ZNF74: variants seen among roughly 807,000 people sequenced by gnomAD.
The protein encoded by ZNF74 is zinc finger protein 520.
Under a neutral mutation model 17.7 loss-of-function variants are expected in ZNF74, and 12 were observed. The ratio of observed to expected loss-of-function variants is 0.68; its 90% CI spans 0.43 to 1.10. The LOEUF (loss-of-function observed/expected upper bound fraction) is 1.10. ZNF74 is among the 50% of genes least tolerant of loss of function. ZNF74 has a pLI of 0.00. For synonymous variants in ZNF74, 358 were observed against 362.1 expected, an observed-to-expected ratio of 0.99 and a Z score of 0.13; for missense variants, 811 against 881.0, an observed-to-expected ratio of 0.92 and a Z score of 1.01.
At position 20,406,579 on chromosome 22, in the gene ZNF74, A is replaced by G. The variant is rs774041755; in HGVS notation, c.1546A>G (p.Ile516Val). The G allele has an allele frequency of 2.5e-6, 4 of 1,613,472 alleles. No individual in the cohort carries two copies. The Admixed American group carries it at 6.7e-5, about 27-fold the overall frequency. ...GGCCTTCAGCTGCCACTCGTCCCTC[A>G]TCGTGCACCAGCGCATCCACACCGG... ...WKAFSCHSSL[I>V]VHQRIHTGEK... The change falls in exon 5 of 5, where the codon ATC (isoleucine) becomes GTC (valine). Residue 516 changes from isoleucine (I) to valine (V), a missense_variant. Coordinates refer to ENST00000400451, the MANE Select transcript of ZNF74 (RefSeq NM_003426.4).
Position 20,406,690 on chromosome 22 carries a change from G to A in ZNF74, c.1657G>A (p.Glu553Lys). The A allele has an allele frequency of 1.2e-6, 2 of 1,614,232 alleles. No individual in the cohort carries two copies. The highest frequency in any genetic ancestry group is 1.7e-6 in the Non-Finnish European group (2 of 1,180,044). The change falls in exon 5 of 5, where the codon GAG becomes AAG. Residue 553 changes from glutamate to lysine, a missense_variant. Coordinates refer to ENST00000400451, the MANE Select transcript of ZNF74 (RefSeq NM_003426.4). Reference sequence around the variant, plus strand: ...TAAACATCAGAAAATCCACTCCGGGGAGAAGTCGTTTAAGTGTGAGAAATG... The same window carrying A: ...TAAACATCAGAAAATCCACTCCGGGAAGAAGTCGTTTAAGTGTGAGAAATG... Reference protein sequence around the residue: ...LIKHQKIHSGEKSFKCEKCGE... With the variant: ...LIKHQKIHSGKKSFKCEKCGE...
At position 20,401,626 on chromosome 22, in the gene ZNF74, G is replaced by T. The variant is rs1461645113; in HGVS notation, c.343+254G>T. On this transcript the variant is annotated intron_variant, in intron 4 of 4. Transcript: ENST00000400451. This position sits in a 1 kb window ranked among gnomAD's most constrained non-coding sequence, Gnocchi z 4.2. ...GTCACCTGCTGATGGGGATGGGGAGGCAGGAATAGAAATATTGAGCCATTG... is the reference window on the plus strand; with the variant it reads ...GTCACCTGCTGATGGGGATGGGGAGTCAGGAATAGAAATATTGAGCCATTG... Among the ~76,000 whole-genome samples, 1 of 152,202 alleles carries T rather than the reference G, an allele frequency of 6.6e-6. No homozygotes were observed. The highest frequency in any genetic ancestry group is 2.4e-5 in the African/African-American group (1 of 41,444).
chr22:20,406,339 AG>A lies in ZNF74; in HGVS notation c.1308del (p.Thr437ArgfsTer174). 6.2e-7 allele frequency: 1 copy of A among 1,607,976 alleles called. No individual in the cohort carries two copies. Among genetic ancestry groups the A allele is most frequent in the Non-Finnish European group, 8.5e-7 (1 of 1,178,318 alleles). The part of the protein sequence containing the change: ...NSRSRLTLHQ[R>X]THTGEKPFKC... ...CCGCTCGCGCCTCACCCTCCACCAGAGGACGCACACGGGCGAGAAGCCCTTC... is the reference window on the plus strand; with the variant it reads ...CCGCTCGCGCCTCACCCTCCACCAGAGACGCACACGGGCGAGAAGCCCTTC... On this transcript the variant is annotated frameshift_variant, in exon 5 of 5. Coordinates refer to ENST00000400451, the MANE Select transcript of ZNF74 (RefSeq NM_003426.4). LOFTEE classifies it low-confidence loss of function (END_TRUNC).
chr22:20,398,127 G>A (rs978330615), intron 2 of ZNF74, among the ~76,000 whole-genome samples: 2 of 151,980 alleles, frequency 1.3e-5, no homozygotes, highest in East Asian at 3.9e-4. Context: ...AAGACCAGCC[G>A]GCCAACATGG....
In ZNF74 at chr22:20,406,301, A is replaced by C; in HGVS notation, c.1268A>C (p.Lys423Thr). Residue 423 changes from lysine (K) to threonine (T), a missense_variant, in exon 5 of 5, where the codon AAG becomes ACG. Lys to Thr is a moderately conservative substitution (Grantham distance 78). This residue lies in a region of ZNF74 where 666 missense variants were observed against 702.3 expected (regional missense o/e 0.95). Transcript: ENST00000400451. Reference protein sequence around the residue: ...DKPFKCSDCEKAFNSRSRLTL... With the variant: ...DKPFKCSDCETAFNSRSRLTL... ...CCGTTCAAGTGCAGCGACTGCGAGA[A>C]GGCCTTCAACAGCCGCTCGCGCCTC... The C allele has an allele frequency of 6.2e-7, 1 of 1,612,078 alleles. No homozygotes were observed.
In ZNF74 at chr22:20,408,043, G is replaced by T. The variant is rs1411264394; in HGVS notation, c.*1075G>T. 6.6e-6 allele frequency: 1 copy of T among 152,206 alleles called. No homozygotes were observed. Among genetic ancestry groups the T allele is most frequent in the Non-Finnish European group, 1.5e-5 (1 of 68,054 alleles). The allele number at this position is 152,206 out of a possible 1,614,324, so 9.4% of individuals were successfully genotyped here. A position where few individuals can be genotyped will look rare whatever the true frequency, so the allele number is the denominator to read the frequency against. On this transcript the variant is annotated 3_prime_UTR_variant, in exon 5 of 5. Transcript: ENST00000400451. ...GGCAGGGCCACCCTGGGCTGGTGAG[G>T]CTGCCCTGCAGGGCTTCTCACTATG...
At chr22:20,396,978 G>A (rs1417418422) in intron 2 of ZNF74, among the ~76,000 whole-genome samples, 3 of 152,182 alleles carry the variant, frequency 2.0e-5, no homozygotes, top group South Asian at 2.1e-4. Flanking sequence ...TACTCTTGCT[G>A]GTTTTGCTCC....
chr22:20,400,993 A>G (rs7290661), intron 3 of ZNF74: 190,812 of 600,444 alleles, frequency 0.32, 34,192 homozygotes, highest in African/African-American at 0.62. Flanking sequence ...GTCCTGGGAT[A>G]GGGGCAGGGA....
At chr22:20,396,618 C>T (rs2052296921) in intron 2 of ZNF74, among the ~76,000 whole-genome samples, 1 of 151,992 alleles carries the variant, frequency 6.6e-6, no homozygotes, top group Admixed American at 6.6e-5. Flanking sequence ...TGTGCAGCTC[C>T]GTCTAGGTGG....
intron 4 of ZNF74, 50 bp from the exon 5 acceptor site, chr22:20,405,327 T>G (rs747876398): frequency 1.3e-6 from 2 of 1,537,854 alleles, no homozygotes; most frequent in South Asian, 2.5e-5. Flanking sequence ...ATCTGAATTC[T>G]AGGCCAGGTT....
chr22:20,394,187 T>G lies in ZNF74; in HGVS notation c.-442T>G. ...CTGCTGCTCTTTGTGGCAGTCGCAG[T>G]CCTTTTGTGGGAGTCCGGTCTGTCC... is the stretch of plus-strand genomic sequence containing the variant. On this transcript the variant is annotated 5_prime_UTR_variant, in exon 1 of 5. Coordinates refer to ENST00000400451, the MANE Select transcript of ZNF74 (RefSeq NM_003426.4). The G allele has an allele frequency of 1.5e-6, 1 of 646,322 alleles. No individual in the cohort carries two copies. Among genetic ancestry groups the G allele is most frequent in the South Asian group, 1.6e-5 (1 of 62,442 alleles). The allele number at this position is 646,322 out of a possible 1,614,324, so 40.0% of individuals were successfully genotyped here. A position where few individuals can be genotyped will look rare whatever the true frequency, so the allele number is the denominator to read the frequency against.
At chr22:20,395,546 C>A in intron 2 of ZNF74, 128 bp downstream of exon 2, 1 of 630,674 alleles carries the variant, frequency 1.6e-6, no homozygotes, top group East Asian at 2.8e-5. Flanking sequence ...AAGCTCTGGG[C>A]AGTGGGAACA....
At chr22:20,397,318 G>A (rs2052306401) in intron 2 of ZNF74, among the ~76,000 whole-genome samples, 4 of 152,204 alleles carry the variant, frequency 2.6e-5, no homozygotes, top group Admixed American at 1.3e-4. Context: ...AGTTAGGGGT[G>A]TGTTCTCAGC....
In ZNF74 at chr22:20,401,478, C is replaced by T. The variant is rs2052356677; in HGVS notation, c.343+106C>T. The T allele has an allele frequency of 2.7e-6, 2 of 734,154 alleles. No homozygotes were observed. Among genetic ancestry groups the T allele is most frequent in the South Asian group, 1.7e-5 (1 of 58,502 alleles). 45.5% of individuals were successfully genotyped at this position (734,154 alleles called of 1,614,324 possible). A position where few individuals can be genotyped will look rare whatever the true frequency, so the allele number is the denominator to read the frequency against. ...TCAGTTTGCCCCGGCTCCATCTCCC[C>T]TTTTCAGGTCCCCCGCCAGACCCTC... On this transcript the variant is annotated intron_variant, in intron 4 of 4. Coordinates refer to ENST00000400451, the MANE Select transcript of ZNF74 (RefSeq NM_003426.4). This position sits in a 1 kb window ranked among gnomAD's most constrained non-coding sequence, Gnocchi z 4.2.
chr22:20,404,490 G>A (rs1040425197), intron 4 of ZNF74, among the ~76,000 whole-genome samples: 2 of 152,012 alleles, frequency 1.3e-5, no homozygotes, highest in African/African-American at 2.4e-5. Flanking sequence ...ATCATTCCTG[G>A]CTAATTTTGT....
In ZNF74 at chr22:20,407,171, T is replaced by A. The variant is rs1275093118; in HGVS notation, c.*203T>A. ...CAGAAGGGCCACACTCCAGGAGGAG[T>A]GTTGAGAGTCATTTGAGGTAGTCTT... On this transcript the variant is annotated 3_prime_UTR_variant, in exon 5 of 5. Coordinates refer to ENST00000400451, the MANE Select transcript of ZNF74 (RefSeq NM_003426.4). 1 of 722,722 alleles carries A rather than the reference T, an allele frequency of 1.4e-6. No individual in the cohort carries two copies. Among genetic ancestry groups the A allele is most frequent in the Admixed American group, 3.2e-5 (1 of 31,062 alleles). 44.8% of individuals were successfully genotyped at this position (722,722 alleles called of 1,614,324 possible).
Position 20,394,427 on chromosome 22 carries a change from A to G in ZNF74, c.-202A>G. ...TGGTGTGGGGAGTGGGTATCTGCGG[A>G]GCCGGCCTGAACCCCACCTCAGCCG... On this transcript the variant is annotated 5_prime_UTR_variant, in exon 1 of 5. Coordinates refer to ENST00000400451, the MANE Select transcript of ZNF74 (RefSeq NM_003426.4). 1.6e-6 allele frequency: 1 copy of G among 634,432 alleles called. No homozygotes were observed. Among genetic ancestry groups the G allele is most frequent in the South Asian group, 1.8e-5 (1 of 57,026 alleles). 39.3% of individuals were successfully genotyped at this position (634,432 alleles called of 1,614,324 possible).
In ZNF74 at chr22:20,395,321, C is replaced by A. The variant is rs372970401; in HGVS notation, c.35-12C>A. 1 of 1,589,876 alleles carries A rather than the reference C, an allele frequency of 6.3e-7. No homozygotes were observed. On this transcript the variant is annotated splice_polypyrimidine_tract_variant and intron_variant, in intron 1 of 4. Transcript: ENST00000400451. The stretch of plus-strand genomic sequence containing the variant: ...TGGTAGCCGTGACCTTGACTCATTT[C>A]TCCTTCGCCAGCTCTTTCCTCTCAG...
At chr22:20,402,348 A>T (rs1464882407) in intron 4 of ZNF74, among the ~76,000 whole-genome samples, 4 of 152,176 alleles carry the variant, frequency 2.6e-5, no homozygotes, top group African/African-American at 9.7e-5. Flanking sequence ...GTTTCAAAAA[A>T]TTCATATTTT....
Sources: gnomAD v4.1 joint callset for allele counts (sites outside exome capture counted in the v4.1 genomes callset) on GRCh38, gnomAD v4.1.1 for gene constraint, gnomAD v4.1.1 regional missense constraint, Gnocchi (gnomAD v3.1) non-coding constraint, MANE v1.5 for transcripts, NCBI Gene and HGNC (gene_info 2026-07-23, HGNC 2026-07-21) for gene names.